RPS6KA2: variants seen among roughly 807,000 people sequenced by gnomAD.
RPS6KA2 encodes ribosomal protein S6 kinase alpha-2.
RPS6KA2 carries 42 observed loss-of-function variants against 91.8 expected under a neutral mutation model. The ratio of observed to expected loss-of-function variants is 0.46; its 90% confidence interval spans 0.36 to 0.59. The LOEUF is 0.59. Among genes scored for constraint, RPS6KA2 ranks in the 20% least tolerant of loss-of-function variants. RPS6KA2 has a pLI of 0.00. For synonymous variants in RPS6KA2, 414 were observed against 393.6 expected (o/e 1.05, Z -0.61); for missense variants, 798 against 978.5 (o/e 0.82, Z 2.46).
At chr6:166,505,333 A>G (rs1223242588) in intron 5 of RPS6KA2, among the ~76,000 whole-genome samples, 1 of 152,190 alleles carries the variant, frequency 6.6e-6, no homozygotes, top group African/African-American at 2.4e-5. Context: ...CACTCAGGCC[A>G]GCCGAAACAT....
intron 12 of RPS6KA2, among the ~76,000 whole-genome samples, chr6:166,452,472 C>T (rs1779949106): frequency 6.6e-6 from 1 of 152,042 alleles, no homozygotes; most frequent in South Asian, 2.1e-4. Context: ...AAAAAACAAT[C>T]CTAAAGTTAA....
intron 2 of RPS6KA2, among the ~76,000 whole-genome samples, chr6:166,710,493 TGTGTGTGTGTGTGTGTG>T (rs1395560402): frequency 1.3e-5 from 2 of 150,574 alleles, no homozygotes; most frequent in South Asian, 2.2e-4. Flanking sequence ...TGAGTGTGTG[TGTGTGTGTGTGTGTGTG>T]GTGTGTGTGT....
intron 2 of RPS6KA2, among the ~76,000 whole-genome samples, chr6:166,772,190 A>G (rs906571420): frequency 6.6e-6 from 1 of 151,228 alleles, no homozygotes; most frequent in African/African-American, 2.5e-5. Context: ...CCTGGCAAGC[A>G]CTCCCTTTCT....
At chr6:166,576,308 T>C (rs1784835492) in intron 1 of RPS6KA2, among the ~76,000 whole-genome samples, 1 of 152,014 alleles carries the variant, frequency 6.6e-6, no homozygotes, top group Admixed American at 6.5e-5. Flanking sequence ...TACACGAAAA[T>C]GTGGAAGTGA....
intron 1 of RPS6KA2, among the ~76,000 whole-genome samples, chr6:166,605,116 A>G (rs1051313071): frequency 1.3e-5 from 2 of 152,136 alleles, no homozygotes; most frequent in African/African-American, 4.8e-5. Context: ...CTCCAACCAG[A>G]TTCTGGCGGG....
chr6:166,454,593 A>G (rs1480632955), intron 12 of RPS6KA2, among the ~76,000 whole-genome samples: 1 of 152,194 alleles, frequency 6.6e-6, no homozygotes, highest in Non-Finnish European at 1.5e-5. Context: ...TGTGTTACAG[A>G]AAAGAAAAAG....
chr6:166,791,083 G>C (rs1779075307), intron 2 of RPS6KA2, among the ~76,000 whole-genome samples: 1 of 152,176 alleles, frequency 6.6e-6, no homozygotes. Flanking sequence ...TCGATAAAGA[G>C]TCAAGACCCA....
chr6:166,499,273 C>T (rs900248321), intron 7 of RPS6KA2, among the ~76,000 whole-genome samples: 5 of 152,140 alleles, frequency 3.3e-5, no homozygotes, highest in Non-Finnish European at 5.9e-5. Flanking sequence ...GCTCAGGGCC[C>T]CCAAGTCTTG....
chr6:166,616,463 C>G (rs1168031374), intron 1 of RPS6KA2, among the ~76,000 whole-genome samples: 3 of 152,198 alleles, frequency 2.0e-5, no homozygotes, highest in Non-Finnish European at 4.4e-5. Flanking sequence ...TCAACCGAGT[C>G]GCTCCTGTCC....
At chr6:166,786,053 A>G (rs538550046) in intron 2 of RPS6KA2, among the ~76,000 whole-genome samples, 2 of 152,330 alleles carry the variant, frequency 1.3e-5, no homozygotes, top group African/African-American at 4.8e-5. Flanking sequence ...ATCCTTTTTC[A>G]ACAATCATTT....
intron 2 of RPS6KA2, among the ~76,000 whole-genome samples, chr6:166,817,202 T>C (rs1050311959): frequency 4.0e-5 from 6 of 151,884 alleles, no homozygotes; most frequent in African/African-American, 1.5e-4. Context: ...CCCCTGCTGC[T>C]CCCCCCTTAG....
At chr6:166,811,957 C>T (rs554709941) in intron 2 of RPS6KA2, among the ~76,000 whole-genome samples, 14 of 152,336 alleles carry the variant, frequency 9.2e-5, no homozygotes, top group Non-Finnish European at 1.8e-4. Flanking sequence ...ATGTTAATTA[C>T]GAAGCTGAAC....
rs1430768133 is a variant in RPS6KA2 at position 166,508,690 on chromosome 6, A to G, written c.380-408T>C. On this transcript the variant is annotated intron_variant, in intron 4 of 20. Coordinates refer to ENST00000265678, the MANE Select transcript of RPS6KA2 (RefSeq NM_021135.6). The surrounding 1 kb of genome is among the most constrained non-coding windows in gnomAD (Gnocchi z 4.3). ...TTGGAGGACATGTCCTTTCCGTCCT[A>G]TGGAAGTGCCTTCTTCTTACAGAAC... Among the ~76,000 whole-genome samples the G allele has an allele frequency of 1.3e-5, 2 of 152,168 alleles. No homozygotes were observed. Among genetic ancestry groups the G allele is most frequent in the East Asian group, 1.9e-4 (1 of 5,200 alleles).
At position 166,412,907 on chromosome 6, in the gene RPS6KA2, G is replaced by T; in HGVS notation, c.2077-20C>A. On this transcript the variant is annotated intron_variant, in intron 20 of 20. Transcript: ENST00000265678. This position sits in a 1 kb window ranked among gnomAD's most constrained non-coding sequence, Gnocchi z 4.3. ...CGCGCCCTGCAAAACAGAAGACAAG[G>T]GTGAGAGCCGCGGCGCCTCACTCCA... is the stretch of plus-strand genomic sequence containing the variant. 1.3e-6 allele frequency: 2 copies of T among 1,542,148 alleles called. No individual in the cohort carries two copies. The highest frequency in any genetic ancestry group is 1.2e-5 in the South Asian group (1 of 83,680).
At chr6:166,708,897 A>T (rs374500418) in intron 2 of RPS6KA2, among the ~76,000 whole-genome samples, 1 of 152,118 alleles carries the variant, frequency 6.6e-6, no homozygotes, top group African/African-American at 2.4e-5. Context: ...TTGTACCACA[A>T]ATTGCAATGT....
At chr6:166,660,387 G>T (rs9348165) in intron 2 of RPS6KA2, among the ~76,000 whole-genome samples, 4,842 of 87,096 alleles carry the variant, frequency 0.056, 228 homozygotes, top group African/African-American at 0.15. Context: ...CATGTGTATG[G>T]GCATGCGTGC....
intron 11 of RPS6KA2, among the ~76,000 whole-genome samples, chr6:166,469,344 T>TTTTA (rs1780667369): frequency 2.0e-5 from 3 of 151,334 alleles, no homozygotes; most frequent in Admixed American, 6.6e-5. Context: ...TTTTTTTTTT[T>TTTTA]AAATGTGACT....
chr6:166,729,567 CCTG>C (rs1790450127), intron 2 of RPS6KA2, among the ~76,000 whole-genome samples: 2 of 152,306 alleles, frequency 1.3e-5, no homozygotes, highest in Non-Finnish European at 2.9e-5. Context: ...GTCTTGAACT[CCTG>C]GGCTCGAGCA....
intron 1 of RPS6KA2, among the ~76,000 whole-genome samples, chr6:166,564,773 G>A (rs372277214): frequency 1.2e-4 from 18 of 152,178 alleles, no homozygotes; most frequent in East Asian, 3.9e-4. Flanking sequence ...TCATCCTCCC[G>A]AGCCACGGAT....
Sources: gnomAD v4.1 joint callset for allele counts (sites outside exome capture counted in the v4.1 genomes callset) on GRCh38, gnomAD v4.1.1 for gene constraint, Gnocchi (gnomAD v3.1) non-coding constraint, MANE v1.5 for transcripts, NCBI Gene and HGNC (gene_info 2026-07-23, HGNC 2026-07-21) for gene names.